Variants in NT5C observed in about 807,000 individuals in gnomAD.
NT5C encodes 5', 3'-nucleotidase, cytosolic, also known as 5'(3')-deoxyribonucleotidase, cytosolic type.
In NT5C, 14 loss-of-function variants were observed where a neutral mutation model predicts 17.6. The observed-to-expected ratio is 0.79, with a 90% CI of 0.52 to 1.24. NT5C has a LOEUF of 1.24. NT5C is among the 50% of genes most tolerant of loss of function. The pLI is 0.00. For missense variants in NT5C, 328 were observed against 278.3 expected (o/e 1.18, Z -1.27); for synonymous variants, 153 against 119.2 (o/e 1.28, Z -1.85).
Position 75,131,119 on chromosome 17 carries a change from C to G in NT5C, c.276-14G>C, listed in dbSNP as rs771583960. ...AAGACCTGCGTGCTGCGGAGAAGGA[C>G]GCGGTTACCGCCGGGAGCCAGGAGC... On this transcript the variant is annotated splice_polypyrimidine_tract_variant and intron_variant, in intron 2 of 4. Transcript: ENST00000245552. The G allele has an allele frequency of 1.9e-6, 3 of 1,612,880 alleles. No homozygotes were observed. The highest frequency in any genetic ancestry group is 2.5e-6 in the Non-Finnish European group (3 of 1,179,868).
rs200804192 is a variant in NT5C, at chr17:75,131,174, T to G, written c.275+7A>C. 48 of 1,613,032 alleles carry G rather than the reference T, an allele frequency of 3.0e-5. No homozygotes were observed. The East Asian group carries it at 1.1e-3, about 36-fold the overall frequency. ...CCAGGACTCCGCCCGCCCCCCTCTC[T>G]CCTTACTCCGGTAGGTCGTTCATCT... On this transcript the variant is annotated splice_region_variant and intron_variant, in intron 2 of 4. Coordinates refer to ENST00000245552, the MANE Select transcript of NT5C (RefSeq NM_014595.3).
chr17:75,131,657 G>A lies in NT5C; in HGVS notation c.51C>T (p.Asp17=). 1 of 1,350,680 alleles carries A rather than the reference G, an allele frequency of 7.4e-7. No homozygotes were observed. The highest frequency in any genetic ancestry group is 9.5e-7 in the Non-Finnish European group (1 of 1,056,142). 83.7% of individuals were successfully genotyped at this position (1,350,680 alleles called of 1,614,324 possible). A position where few individuals can be genotyped will look rare whatever the true frequency, so the allele number is the denominator to read the frequency against. The part of the protein sequence containing the change: ...VLVDMDGVLA[D]FEAGLLRGFR... The stretch of plus-strand genomic sequence containing the variant: ...AGCCCCGCAGGAGGCCGGCCTCGAA[G>A]TCGGCCAGGACGCCGTCCATGTCCA... Residue 17 remains aspartate (D), a synonymous_variant, in exon 1 of 5, where the codon GAC becomes GAT. Transcript: ENST00000245552.
rs1280287157 is a variant in NT5C at position 75,130,814 on chromosome 17, C to G, written c.390G>C (p.Leu130=). The G allele has an allele frequency of 2.5e-6, 4 of 1,614,172 alleles. No individual in the cohort carries two copies. The highest frequency in any genetic ancestry group is 1.6e-4 in the Middle Eastern group (1 of 6,062). Residue 130 remains leucine (L), a synonymous_variant, in exon 4 of 5, where the codon CTG becomes CTC. Coordinates refer to ENST00000245552, the MANE Select transcript of NT5C (RefSeq NM_014595.3). The part of the protein sequence containing the change: ...LGPQFVERII[L]TRDKTVVLGD... The stretch of plus-strand genomic sequence containing the variant: ...CCAAGACCACCGTCTTGTCCCTTGT[C>G]AGGATAATTCGTTCTACGAACTGGG...
At chr17:75,131,331 G>T in intron 1 of NT5C, 50 bp from the exon 2 acceptor site, 1 of 1,576,538 alleles carries the variant, frequency 6.3e-7, no homozygotes, top group South Asian at 1.1e-5. Flanking sequence ...GCGAGGACCC[G>T]CAGGGAGGCT....
At position 75,130,758 on chromosome 17, in the gene NT5C, AC is replaced by A; in HGVS notation, c.445del (p.Val149PhefsTer43). On this transcript the variant is annotated frameshift_variant, in exon 4 of 5. Coordinates refer to ENST00000245552, the MANE Select transcript of NT5C (RefSeq NM_014595.3). LOFTEE classifies it high-confidence loss of function. ...CCAAGGATAACGGGTCCAACCTCGA[AC>A]TGTGTCCTTGTCATCAATGAGCAGG... is the stretch of plus-strand genomic sequence containing the variant. ...GDLLIDDKDT[V>X]RGQEETPSWE... 1 of 1,614,120 alleles carries A rather than the reference AC, an allele frequency of 6.2e-7. No individual in the cohort carries two copies. Among genetic ancestry groups the A allele is most frequent in the South Asian group, 1.1e-5 (1 of 91,082 alleles).
In NT5C at chr17:75,131,239, C is replaced by T; in HGVS notation, c.217G>A (p.Asp73Asn). The T allele has an allele frequency of 1.9e-6, 3 of 1,614,024 alleles. No homozygotes were observed. Among genetic ancestry groups the T allele is most frequent in the Admixed American group, 1.7e-5 (1 of 60,036 alleles). Residue 73 changes from aspartate to asparagine, a missense_variant, in exon 2 of 5, where the codon GAC becomes AAC. By Grantham distance (23) the Asp-to-Asn change is conservative. Coordinates refer to ENST00000245552, the MANE Select transcript of NT5C (RefSeq NM_014595.3). ...SVYEAPGFFL[D>N]LEPIPGALDA... ...AAGGCTCCCGGGATGGGCTCCAGGTCCAGGAAAAAGCCCGGGGCTTCGTAC... is the reference window on the plus strand; with the variant it reads ...AAGGCTCCCGGGATGGGCTCCAGGTTCAGGAAAAAGCCCGGGGCTTCGTAC...
chr17:75,131,369 G>A (rs1401122277), intron 1 of NT5C, 88 bp from the exon 2 acceptor site: 3 of 1,444,274 alleles, frequency 2.1e-6, no homozygotes, highest in East Asian at 2.5e-5. Context: ...CGAGCTCAGA[G>A]GGGCGGAGGG....
chr17:75,130,982 G>T, intron 3 of NT5C, 63 bp downstream of exon 3: 1 of 1,601,362 alleles, frequency 6.2e-7, no homozygotes, highest in Non-Finnish European at 8.5e-7. Context: ...GTTTCTGGTG[G>T]TTTCTTTTTA....
Position 75,131,270 on chromosome 17 carries a change from GGCCACTT to G in NT5C, c.179_185del (p.Lys60ThrfsTer26), listed in dbSNP as rs1285056759. ...AAAAGCCCGGGGCTTCGTACACACT[GGCCACTT>G]TATCCTGAAAGACAAGAGTTCTGGG... On this transcript the variant is annotated frameshift_variant, in exon 2 of 5. Coordinates refer to ENST00000245552, the MANE Select transcript of NT5C (RefSeq NM_014595.3). LOFTEE classifies it high-confidence loss of function. 1 of 1,613,754 alleles carries G rather than the reference GGCCACTT, an allele frequency of 6.2e-7. No homozygotes were observed. Among genetic ancestry groups the G allele is most frequent in the Non-Finnish European group, 8.5e-7 (1 of 1,179,968 alleles).
rs909114185 is a variant in NT5C, at chr17:75,130,412, C to T, written c.*76G>A. On this transcript the variant is annotated 3_prime_UTR_variant, in exon 5 of 5. Coordinates refer to ENST00000245552, the MANE Select transcript of NT5C (RefSeq NM_014595.3). ...GGCCAGAGGCACCAGCACGATGCCGCCCCGACTCGGCTCTGCGGTGGCCCC... is the reference window on the plus strand; with the variant it reads ...GGCCAGAGGCACCAGCACGATGCCGTCCCGACTCGGCTCTGCGGTGGCCCC... 6.4e-7 allele frequency: 1 copy of T among 1,561,130 alleles called. No homozygotes were observed. The highest frequency in any genetic ancestry group is 8.7e-7 in the Non-Finnish European group (1 of 1,146,330).
In NT5C at chr17:75,131,181, T is replaced by A. The variant is rs2074116748; in HGVS notation, c.275A>T (p.Asp92Val). ...DAVREMNDLPDTQVFICTSPL... is the reference protein window; with the variant it reads ...DAVREMNDLPVTQVFICTSPL... Reference sequence around the variant, plus strand: ...TCCGCCCGCCCCCCTCTCTCCTTACTCCGGTAGGTCGTTCATCTCCCGCAC... The same window carrying A: ...TCCGCCCGCCCCCCTCTCTCCTTACACCGGTAGGTCGTTCATCTCCCGCAC... The change falls in exon 2 of 5, where the codon GAC (aspartate) becomes GTC (valine). Residue 92 changes from aspartate (D) to valine (V), a missense_variant and splice_region_variant. By Grantham distance (152) the Asp-to-Val change is radical (BLOSUM62 -3). Transcript: ENST00000245552. 1 of 1,613,242 alleles carries A rather than the reference T, an allele frequency of 6.2e-7. No individual in the cohort carries two copies. Among genetic ancestry groups the A allele is most frequent in the South Asian group, 1.1e-5 (1 of 91,054 alleles).
At position 75,131,571 on chromosome 17, in the gene NT5C, G is replaced by A; in HGVS notation, c.137C>T (p.Ala46Val). ...VPLEQRRGFL[A>V]REQYRALRPD... ...CCGCAGGGCGCGGTACTGCTCGCGG[G>A]CCAGGAAGCCGCGGCGTTGCTCCAG... is the stretch of plus-strand genomic sequence containing the variant. The change falls in exon 1 of 5, where the codon GCC becomes GTC. Residue 46 changes from alanine (A) to valine (V), a missense_variant. By Grantham distance (64) the Ala-to-Val change is moderately conservative. Coordinates refer to ENST00000245552, the MANE Select transcript of NT5C (RefSeq NM_014595.3). 7.2e-7 allele frequency: 1 copy of A among 1,392,844 alleles called. No homozygotes were observed. The highest frequency in any genetic ancestry group is 9.2e-7 in the Non-Finnish European group (1 of 1,081,784). The allele number at this position is 1,392,844 out of a possible 1,614,324, so 86.3% of individuals were successfully genotyped here.
rs1373476736 is a variant in NT5C at position 75,131,671 on chromosome 17, C to G, written c.37G>C (p.Gly13Arg). The change falls in exon 1 of 5, where the codon GGC (glycine) becomes CGC (arginine). Residue 13 changes from glycine to arginine, a missense_variant. Physicochemically the swap from Gly to Arg is moderately radical, Grantham distance 125 (BLOSUM62 -2). Transcript: ENST00000245552. ...RSVRVLVDMD[G>R]VLADFEAGLL... Reference sequence around the variant, plus strand: ...CCGGCCTCGAAGTCGGCCAGGACGCCGTCCATGTCCACCAGCACGCGCACG... The same window carrying G: ...CCGGCCTCGAAGTCGGCCAGGACGCGGTCCATGTCCACCAGCACGCGCACG... 6 of 1,330,860 alleles carry G rather than the reference C, an allele frequency of 4.5e-6. No homozygotes were observed. Among genetic ancestry groups the G allele is most frequent in the Middle Eastern group, 5.6e-4 (2 of 3,564 alleles). The allele number at this position is 1,330,860 out of a possible 1,614,324, so 82.4% of individuals were successfully genotyped here. A position where few individuals can be genotyped will look rare whatever the true frequency, so the allele number is the denominator to read the frequency against.
Position 75,130,625 on chromosome 17 carries a change from T to C in NT5C, c.469A>G (p.Ser157Gly), listed in dbSNP as rs778217787. Residue 157 changes from serine to glycine, a missense_variant, in exon 5 of 5, where the codon AGC becomes GGC. Ser to Gly is a moderately conservative substitution (Grantham distance 56). Transcript: ENST00000245552. ...DTVRGQEETP[S>G]WEHILFTCCH... The stretch of plus-strand genomic sequence containing the variant: ...CAGGTGAACAAGATGTGCTCCCAGC[T>C]TGGGGTCTCCTCCTGGCCTAGGACA... 4 of 1,601,016 alleles carry C rather than the reference T, an allele frequency of 2.5e-6. No homozygotes were observed. The South Asian group carries it at 4.4e-5, about 18-fold the overall frequency.
rs1421044500 is a variant in NT5C, at chr17:75,131,173, C to T, written c.275+8G>A. On this transcript the variant is annotated splice_region_variant and intron_variant, in intron 2 of 4. Transcript: ENST00000245552. ...CCCAGGACTCCGCCCGCCCCCCTCTCTCCTTACTCCGGTAGGTCGTTCATC... is the reference window on the plus strand; with the variant it reads ...CCCAGGACTCCGCCCGCCCCCCTCTTTCCTTACTCCGGTAGGTCGTTCATC... 3.1e-6 allele frequency: 5 copies of T among 1,613,206 alleles called. No homozygotes were observed. In the African/African-American group the frequency reaches 6.7e-5, roughly 22 times the overall value.
Position 75,131,066 on chromosome 17 carries a change from GTACTTCAGCA to G in NT5C, c.305_314del (p.Leu102ProfsTer21). 1 of 1,613,062 alleles carries G rather than the reference GTACTTCAGCA, an allele frequency of 6.2e-7. No homozygotes were observed. On this transcript the variant is annotated frameshift_variant, in exon 3 of 5. Transcript: ENST00000245552. LOFTEE classifies it high-confidence loss of function. ...ACACCTTCTCACCCACACAGTGGTG[GTACTTCAGCA>G]GGGGGCTGGTGCAGATGAAGACCTG... is the stretch of plus-strand genomic sequence containing the variant.
chr17:75,130,405 G>C lies in NT5C; in HGVS notation c.*83C>G. On this transcript the variant is annotated 3_prime_UTR_variant, in exon 5 of 5. Coordinates refer to ENST00000245552, the MANE Select transcript of NT5C (RefSeq NM_014595.3). ...TCCACGGGGCCAGAGGCACCAGCAC[G>C]ATGCCGCCCCGACTCGGCTCTGCGG... 5.2e-6 allele frequency: 8 copies of C among 1,534,952 alleles called. No homozygotes were observed. Among genetic ancestry groups the C allele is most frequent in the Non-Finnish European group, 7.1e-6 (8 of 1,127,168 alleles).
Position 75,131,191 on chromosome 17 carries a change from C to A in NT5C, c.265G>T (p.Asp89Tyr), listed in dbSNP as rs1445955297. ...GALDAVREMN[D>Y]LPDTQVFICT... ...CCCCTCTCTCCTTACTCCGGTAGGT[C>A]GTTCATCTCCCGCACAGCGTCCAAG... Residue 89 changes from aspartate (D) to tyrosine (Y), a missense_variant, in exon 2 of 5, where the codon GAC becomes TAC. Physicochemically the swap from Asp to Tyr is radical, Grantham distance 160. Transcript: ENST00000245552. 6.2e-6 allele frequency: 10 copies of A among 1,613,576 alleles called. No homozygotes were observed. Among genetic ancestry groups the A allele is most frequent in the Non-Finnish European group, 7.6e-6 (9 of 1,180,008 alleles).
At chr17:75,131,006 G>C (rs754695195) in intron 3 of NT5C, 39 bp downstream of exon 3, 1 of 1,606,874 alleles carries the variant, frequency 6.2e-7, no homozygotes, top group South Asian at 1.1e-5. Flanking sequence ...TCAGGATTTA[G>C]GCAGCTCCAC....
Sources: gnomAD v4.1 joint callset for allele counts on GRCh38, gnomAD v4.1.1 for gene constraint, MANE v1.5 for transcripts, NCBI Gene and HGNC (gene_info 2026-07-23, HGNC 2026-07-21) for gene names.